Variants in CNOT2 observed in about 807,000 individuals in gnomAD.
CNOT2 encodes the protein CCR4-NOT transcription complex subunit 2.
Under a neutral mutation model 72.1 loss-of-function variants are expected in CNOT2, and 7 were observed. The observed-to-expected ratio is 0.10, with a 90% CI of 0.06 to 0.18. CNOT2 has a LOEUF of 0.18. Among genes scored for constraint, CNOT2 ranks in the 10% least tolerant of loss-of-function variants. The pLI is 1.00. For missense variants in CNOT2, 345 were observed against 660.3 expected (o/e 0.52, Z 5.23); for synonymous variants, 196 against 225.6 (o/e 0.87, Z 1.17).
At chr12:70,329,236 A>G (rs926639251) in intron 4 of CNOT2, among the ~76,000 whole-genome samples, 187 bp from the exon 5 acceptor site, 2 of 152,020 alleles carry the variant, frequency 1.3e-5, no homozygotes. Context: ...TCATAATATT[A>G]AATTTCAGAC....
At chr12:70,282,951 G>A (rs1356741894) in intron 2 of CNOT2, among the ~76,000 whole-genome samples, 1 of 152,000 alleles carries the variant, frequency 6.6e-6, no homozygotes, top group Non-Finnish European at 1.5e-5. Context: ...ATTCACCAAG[G>A]ATTTCTGCAT....
intron 2 of CNOT2, among the ~76,000 whole-genome samples, chr12:70,296,235 A>G (rs186182829): frequency 4.6e-5 from 7 of 152,158 alleles, no homozygotes; most frequent in Admixed American, 2.6e-4. Context: ...AATATGCTAA[A>G]TATTTCTGTA....
chr12:70,274,649 A>T (rs1868451498), intron 1 of CNOT2, among the ~76,000 whole-genome samples: 1 of 152,072 alleles, frequency 6.6e-6, no homozygotes, highest in Non-Finnish European at 1.5e-5. Flanking sequence ...AGAAAAAGTT[A>T]AAAAAGATTC....
At position 70,265,273 on chromosome 12, in the gene CNOT2, T is replaced by TTCTTCTCTTCTCTCCTCTTC. The variant is rs1555188153; in HGVS notation, c.-95-12846_-95-12845insCCTCTTCTCTTCTCTTCTCT. The stretch of plus-strand genomic sequence containing the variant: ...TACCAAACCTGGAGTTTCGTTTTGT[T>TTCTTCTCTTCTCTCCTCTTC]TCTTCTCTTCTCTTCTCTTCTCTTC... On this transcript the variant is annotated intron_variant, in intron 1 of 15. Coordinates refer to ENST00000229195, the MANE Select transcript of CNOT2 (RefSeq NM_014515.7). Among the ~76,000 whole-genome samples the TTCTTCTCTTCTCTCCTCTTC allele has an allele frequency of 7.7e-3, 962 of 125,462 alleles. 11 individuals carry two copies. The highest frequency in any genetic ancestry group is 0.025 in the African/African-American group (886 of 35,794). 82.3% of individuals were successfully genotyped at this position (125,462 alleles called of 152,430 possible).
intron 6 of CNOT2, among the ~76,000 whole-genome samples, chr12:70,332,021 C>A (rs1880029163): frequency 6.6e-6 from 1 of 150,892 alleles, no homozygotes; most frequent in African/African-American, 2.4e-5. Context: ...GGGAGGGAGG[C>A]AACTGTAACT....
At chr12:70,333,275 C>T (rs187933412) in intron 7 of CNOT2, among the ~76,000 whole-genome samples, 20 of 151,810 alleles carry the variant, frequency 1.3e-4, no homozygotes, top group Admixed American at 2.0e-4. Context: ...GGAACACTTA[C>T]GTTTTTTCTT....
chr12:70,334,569 G>T (rs184587769), intron 7 of CNOT2: 1 of 151,968 alleles, frequency 6.6e-6, no homozygotes, highest in Non-Finnish European at 1.5e-5. Context: ...AAGCTATAGC[G>T]CAGGCTAAAA....
chr12:70,254,310 T>A (rs1958310965), intron 1 of CNOT2, among the ~76,000 whole-genome samples: 1 of 151,742 alleles, frequency 6.6e-6, no homozygotes, highest in Non-Finnish European at 1.5e-5. Context: ...TCAAAACACC[T>A]CTTGTACTGT....
At chr12:70,243,810 G>C (rs75061729) in intron 1 of CNOT2, 3,415 of 152,336 alleles carry the variant, frequency 0.022, 81 homozygotes, top group Admixed American at 0.047. Flanking sequence ...TCCCATCCGC[G>C]AGTGGTGGGG....
chr12:70,263,120 T>A (rs1958857245), intron 1 of CNOT2, among the ~76,000 whole-genome samples: 1 of 152,242 alleles, frequency 6.6e-6, no homozygotes, highest in East Asian at 1.9e-4. Context: ...CACTTTTCTC[T>A]TGCTGCTTTC....
intron 4 of CNOT2, among the ~76,000 whole-genome samples, chr12:70,325,616 T>C (rs1878964851): frequency 6.6e-6 from 1 of 151,880 alleles, no homozygotes; most frequent in African/African-American, 2.4e-5. Flanking sequence ...TAAAATACTT[T>C]GAATTTAATG....
intron 7 of CNOT2, chr12:70,334,347 G>C (rs1880375896): frequency 6.6e-6 from 1 of 151,950 alleles, no homozygotes; most frequent in Non-Finnish European, 1.5e-5. Context: ...AAACAGCCAG[G>C]TATAAATGAT....
intron 1 of CNOT2, among the ~76,000 whole-genome samples, chr12:70,260,253 G>A (rs1195986310): frequency 6.6e-6 from 1 of 151,932 alleles, no homozygotes; most frequent in Non-Finnish European, 1.5e-5. Context: ...TATTTATATA[G>A]TTATTTAATT....
chr12:70,244,532 T>C (rs1410027125), intron 1 of CNOT2, among the ~76,000 whole-genome samples: 1 of 152,174 alleles, frequency 6.6e-6, no homozygotes. Flanking sequence ...GTAGGTACGG[T>C]ATTACTACCA....
intron 1 of CNOT2, among the ~76,000 whole-genome samples, chr12:70,268,397 T>C (rs1565747359): frequency 6.6e-6 from 1 of 152,186 alleles, no homozygotes. Flanking sequence ...ATATTTACTA[T>C]TGTGCCTATG....
At chr12:70,304,945 G>C (rs2135934314) in intron 2 of CNOT2, among the ~76,000 whole-genome samples, 2 of 152,354 alleles carry the variant, frequency 1.3e-5, no homozygotes, top group East Asian at 3.9e-4. Flanking sequence ...CAATGAGCCG[G>C]GCTCCGTGGG....
At chr12:70,287,264 G>A (rs898296785) in intron 2 of CNOT2, among the ~76,000 whole-genome samples, 1 of 145,730 alleles carries the variant, frequency 6.9e-6, no homozygotes, top group African/African-American at 2.5e-5. Context: ...TACTATGTGC[G>A]TTTTCCCCTT....
Position 70,278,249 on chromosome 12 carries a change from C to A in CNOT2, c.23C>A (p.Thr8Lys). 5 of 1,611,578 alleles carry A rather than the reference C, an allele frequency of 3.1e-6. No individual in the cohort carries two copies. In the South Asian group the frequency reaches 5.5e-5, roughly 18 times the overall value. Residue 8 changes from threonine to lysine, a missense_variant, in exon 2 of 16, where the codon ACA becomes AAA. Around this residue, in one of 4 missense-constraint regions of CNOT2, gnomAD observed 157 missense variants for 235.3 expected, o/e 0.67. Transcript: ENST00000229195. ...TCTATGGTGAGGACTGATGGACATA[C>A]ATTATCTGAGAAAAGAAACTACCAG... MVRTDGHTLSEKRNYQVT... is the reference protein window; with the variant it reads MVRTDGHKLSEKRNYQVT...
At chr12:70,264,211 TC>T (rs1201432556) in intron 1 of CNOT2, among the ~76,000 whole-genome samples, 1 of 152,186 alleles carries the variant, frequency 6.6e-6, no homozygotes, top group African/African-American at 2.4e-5. Flanking sequence ...GGAGGTCTGT[TC>T]CTAGCTATCT....
Sources: gnomAD v4.1 joint callset for allele counts (sites outside exome capture counted in the v4.1 genomes callset) on GRCh38, gnomAD v4.1.1 for gene constraint, gnomAD v4.1.1 regional missense constraint, MANE v1.5 for transcripts, NCBI Gene and HGNC (gene_info 2026-07-23, HGNC 2026-07-21) for gene names.